Variants in TENT2 observed in about 807,000 individuals in gnomAD.
TENT2 encodes poly(A) RNA polymerase GLD2.
A neutral mutation model predicts 72.2 loss-of-function variants in TENT2; 44 were observed. The ratio of observed to expected loss-of-function variants is 0.61; its 90% CI spans 0.48 to 0.78. TENT2 has a LOEUF of 0.78. Ranked by LOEUF, TENT2 falls within the 30% of genes least tolerant of loss-of-function variation. TENT2 has a pLI of 0.00. For missense variants in TENT2, 541 were observed against 569.6 expected (o/e 0.95, Z 0.51); for synonymous variants, 212 against 192.5 (o/e 1.10, Z -0.84).
intron 4 of TENT2, among the ~76,000 whole-genome samples, chr5:79,636,957 G>C (rs1780607133): frequency 6.6e-6 from 1 of 152,018 alleles, no homozygotes; most frequent in Non-Finnish European, 1.5e-5. Context: ...AAAAGGCCTT[G>C]GTTTTTTATA....
rs775562259 is a variant in TENT2, at chr5:79,612,812, C to A, written c.-301C>A. ...CGGAGAGGAACGCAGCAGTGTAGGC[C>A]CAGGTCGGCGGCGGGGCACGGGAAA... On this transcript the variant is annotated 5_prime_UTR_variant, in exon 1 of 15. Coordinates refer to ENST00000453514, the MANE Select transcript of TENT2 (RefSeq NM_001114394.3). 1 of 152,376 alleles carries A rather than the reference C, an allele frequency of 6.6e-6. No individual in the cohort carries two copies. 9.4% of individuals were successfully genotyped at this position (152,376 alleles called of 1,614,324 possible).
rs71855117 is a variant in TENT2 at position 79,659,556 on chromosome 5, GTATATATATATA to G, written c.1071+2582_1071+2593del. On this transcript the variant is annotated intron_variant, in intron 11 of 14. Coordinates refer to ENST00000453514, the MANE Select transcript of TENT2 (RefSeq NM_001114394.3). ...CAAAAAAAAAAAAAAAAAAAAAAAT[GTATATATATATA>G]TATATATATATATATATATATATAT... is the stretch of plus-strand genomic sequence containing the variant. Among the ~76,000 whole-genome samples the G allele has an allele frequency of 3.4e-3, 115 of 34,276 alleles. 9 individuals carry two copies. Among genetic ancestry groups the G allele is most frequent in the Admixed American group, 9.1e-3 (16 of 1,756 alleles). 22.5% of individuals were successfully genotyped at this position (34,276 alleles called of 152,430 possible). A position where few individuals can be genotyped will look rare whatever the true frequency, so the allele number is the denominator to read the frequency against.
chr5:79,649,229 AAGAC>A (rs1791608937), intron 10 of TENT2, 39 bp downstream of exon 10: 5 of 1,580,770 alleles, frequency 3.2e-6, no homozygotes, highest in Non-Finnish European at 4.3e-6. Context: ...TTAAAAGTAA[AAGAC>A]AGCTTTATTA....
chr5:79,621,036 A>G (rs1393784817), intron 3 of TENT2, among the ~76,000 whole-genome samples: 2 of 152,204 alleles, frequency 1.3e-5, no homozygotes, highest in Admixed American at 1.3e-4. Flanking sequence ...TATTACTTAA[A>G]AACCTATATA....
chr5:79,679,528 T>C, intron 12 of TENT2, 51 bp from the exon 13 acceptor site: 1 of 1,343,542 alleles, frequency 7.4e-7, no homozygotes, highest in Non-Finnish European at 1.0e-6. Context: ...AAAAATAATA[T>C]AAGAGAAATT....
intron 13 of TENT2, among the ~76,000 whole-genome samples, chr5:79,681,305 G>T (rs541267835): frequency 6.6e-6 from 1 of 151,068 alleles, no homozygotes; most frequent in Non-Finnish European, 1.5e-5. Flanking sequence ...GACTACAGGC[G>T]CGCACCACCA....
At chr5:79,678,605 G>A (rs1372228830) in intron 12 of TENT2, among the ~76,000 whole-genome samples, 3 of 152,162 alleles carry the variant, frequency 2.0e-5, no homozygotes, top group Non-Finnish European at 4.4e-5. Flanking sequence ...GCCTGCTGAT[G>A]AGATTGTTTT....
chr5:79,616,234 T>C (rs1759895887), intron 1 of TENT2, among the ~76,000 whole-genome samples: 1 of 148,754 alleles, frequency 6.7e-6, no homozygotes, highest in South Asian at 2.2e-4. Flanking sequence ...GTTTTGTTCT[T>C]GTTGCCCAGG....
intron 8 of TENT2, among the ~76,000 whole-genome samples, chr5:79,646,769 CTTT>C (rs148646986): frequency 1.6e-4 from 22 of 137,492 alleles, no homozygotes; most frequent in Admixed American, 3.6e-4. Context: ...TGTTCCTAAG[CTTT>C]TTTTTTTTTT....
At chr5:79,656,169 T>C (rs573187363) in intron 10 of TENT2, among the ~76,000 whole-genome samples, 2 of 152,124 alleles carry the variant, frequency 1.3e-5, no homozygotes, top group Admixed American at 6.5e-5. Context: ...TTATTTCTTA[T>C]ATTGTGAATG....
At chr5:79,637,064 C>CT (rs948158090) in intron 4 of TENT2, among the ~76,000 whole-genome samples, 2 of 152,010 alleles carry the variant, frequency 1.3e-5, no homozygotes, top group Non-Finnish European at 2.9e-5. Flanking sequence ...TAGTGAGAAA[C>CT]TATCTCTCAA....
At chr5:79,657,071 T>C (rs1294668370) in intron 11 of TENT2, 70 bp downstream of exon 11, 13 of 1,052,300 alleles carry the variant, frequency 1.2e-5, no homozygotes, top group Non-Finnish European at 1.7e-5. Flanking sequence ...ATAAGTAGTA[T>C]TAATGTGATT....
At position 79,633,122 on chromosome 5, in the gene TENT2, G is replaced by A. The variant is rs553940700; in HGVS notation, c.466-7729G>A. On this transcript the variant is annotated intron_variant, in intron 4 of 14. Coordinates refer to ENST00000453514, the MANE Select transcript of TENT2 (RefSeq NM_001114394.3). ...TGTTTCAGAATTGTTTAATTTGATG[G>A]GAAAGGGAATTGACTGTGAAGAATG... is the stretch of plus-strand genomic sequence containing the variant. 4.7e-4 allele frequency among the ~76,000 whole-genome samples: 72 copies of A among 152,256 alleles called. 1 individual carries two copies. In the South Asian group the frequency reaches 0.014, roughly 30 times the overall value.
At chr5:79,633,489 G>A (rs1777330992) in intron 4 of TENT2, among the ~76,000 whole-genome samples, 2 of 135,342 alleles carry the variant, frequency 1.5e-5, no homozygotes, top group South Asian at 4.7e-4. Context: ...TGCCCAGGCT[G>A]GAGTGCAATG....
intron 12 of TENT2, among the ~76,000 whole-genome samples, chr5:79,674,895 G>A (rs1344000901): frequency 6.6e-6 from 1 of 152,064 alleles, no homozygotes; most frequent in African/African-American, 2.4e-5. Flanking sequence ...GTTTTGAGGA[G>A]GAAGGAGTGA....
chr5:79,662,970 G>C (rs976034746), intron 11 of TENT2, among the ~76,000 whole-genome samples: 15 of 152,198 alleles, frequency 9.9e-5, no homozygotes, highest in Admixed American at 2.6e-4. Context: ...TTCATCTGTT[G>C]TTCAGTGTAG....
intron 4 of TENT2, among the ~76,000 whole-genome samples, chr5:79,625,526 TTTA>T (rs1218516349): frequency 2.0e-5 from 3 of 152,076 alleles, no homozygotes; most frequent in East Asian, 1.9e-4. Flanking sequence ...ATTTATTTAT[TTTA>T]TTATTATTTT....
intron 7 of TENT2, among the ~76,000 whole-genome samples, chr5:79,643,945 G>C (rs1298756155): frequency 6.6e-6 from 1 of 150,876 alleles, no homozygotes; most frequent in Non-Finnish European, 1.5e-5. Context: ...TTATTTTTCT[G>C]AATTCCTGCT....
intron 10 of TENT2, among the ~76,000 whole-genome samples, chr5:79,652,229 A>G (rs955309847): frequency 3.9e-5 from 6 of 152,096 alleles, no homozygotes; most frequent in Non-Finnish European, 8.8e-5. Flanking sequence ...TAAATTTTCT[A>G]GAATAGGGGA....
Sources: allele counts gnomAD v4.1 joint callset (sites outside exome capture counted in the v4.1 genomes callset), GRCh38; gene constraint gnomAD v4.1.1; transcripts MANE v1.5; gene names NCBI Gene and HGNC (gene_info 2026-07-23, HGNC 2026-07-21).